The following BCAR3 variants were observed in gnomAD, a reference collection of about 807,000 sequenced individuals.
The protein encoded by BCAR3 is BCAR3 adaptor protein, NSP family member.
A neutral mutation model predicts 80.1 loss-of-function variants in BCAR3; 37 were observed. The ratio of observed to expected loss-of-function variants is 0.46; its 90% CI spans 0.36 to 0.61. The LOEUF (loss-of-function observed/expected upper bound fraction) is 0.61. Ranked by LOEUF, BCAR3 falls within the 20% of genes least tolerant of loss-of-function variation. BCAR3 has a pLI of 0.00. For missense variants in BCAR3, 978 were observed against 1,068.2 expected, an observed-to-expected ratio of 0.92 and a Z score of 1.18; for synonymous variants, 389 against 418.9, an observed-to-expected ratio of 0.93 and a Z score of 0.87.
upstream of BCAR3, among the ~76,000 whole-genome samples, chr1:93,685,136 G>T (rs922995975): frequency 1.3e-5 from 2 of 152,154 alleles, no homozygotes; most frequent in African/African-American, 4.8e-5. Flanking sequence ...ATATGTTAAT[G>T]GTTTAATAGT....
At chr1:93,680,657 T>A (rs1648709466) in intron 1 of BCAR3, among the ~76,000 whole-genome samples, 1 of 152,198 alleles carries the variant, frequency 6.6e-6, no homozygotes, top group African/African-American at 2.4e-5. Context: ...AATGCACGGC[T>A]CTACTTTCCA....
intron 3 of BCAR3, among the ~76,000 whole-genome samples, chr1:93,693,063 G>A (rs186371422): frequency 6.0e-4 from 92 of 152,188 alleles, no homozygotes; most frequent in Admixed American, 2.0e-3. Context: ...TCCAGTGCCC[G>A]GGGTTTGCCA....
intron 2 of BCAR3, among the ~76,000 whole-genome samples, chr1:93,762,002 G>A (rs181638615): frequency 4.7e-4 from 72 of 152,308 alleles, no homozygotes; most frequent in African/African-American, 1.7e-3. Flanking sequence ...CTGACTTCCT[G>A]CAAGAGTTGG....
intron 2 of BCAR3, among the ~76,000 whole-genome samples, chr1:93,829,461 C>T (rs941755366): frequency 1.3e-5 from 2 of 151,968 alleles, no homozygotes; most frequent in Admixed American, 6.6e-5. Context: ...TCCTAGTTTC[C>T]TTATCTATGC....
chr1:93,836,441 CATCCAGGCCATCACCAATCAT>C (rs1322407497), intron 2 of BCAR3, among the ~76,000 whole-genome samples: 12 of 152,228 alleles, frequency 7.9e-5, no homozygotes, highest in African/African-American at 2.9e-4. Context: ...TACAAAACCA[CATCCAGGCCATCACCAATCAT>C]TCTATACGAC....
chr1:93,816,670 C>CAAAAAAAA (rs60051218), intron 2 of BCAR3, among the ~76,000 whole-genome samples: 5 of 53,874 alleles, frequency 9.3e-5, no homozygotes, highest in Non-Finnish European at 1.4e-4. Flanking sequence ...GACTCCATCT[C>CAAAAAAAA]AAAAAAAAAA....
chr1:93,703,198 A>G (rs1476797396), intron 3 of BCAR3, among the ~76,000 whole-genome samples: 1 of 152,242 alleles, frequency 6.6e-6, no homozygotes, highest in African/African-American at 2.4e-5. Flanking sequence ...TTGAAGACAT[A>G]AAAAATGCAC....
chr1:93,822,185 T>TC, intron 2 of BCAR3, among the ~76,000 whole-genome samples: 2 of 146,362 alleles, frequency 1.4e-5, no homozygotes, highest in East Asian at 2.1e-4. Context: ...GTTTTTTTTT[T>TC]CTTTTTTTTT....
At chr1:93,642,603 T>G (rs927472608) in intron 2 of BCAR3, among the ~76,000 whole-genome samples, 1 of 152,190 alleles carries the variant, frequency 6.6e-6, no homozygotes, top group Non-Finnish European at 1.5e-5. Context: ...CTAGATTTAC[T>G]TGAGCATAGA....
intron 3 of BCAR3, among the ~76,000 whole-genome samples, chr1:93,642,064 T>A (rs538645807): frequency 1.3e-5 from 2 of 152,152 alleles, no homozygotes; most frequent in South Asian, 2.1e-4. Context: ...ACAAACAAAC[T>A]CTGAATTTTA....
chr1:93,746,400 T>C (rs1308677405), intron 2 of BCAR3, among the ~76,000 whole-genome samples: 6 of 152,188 alleles, frequency 3.9e-5, no homozygotes, highest in Non-Finnish European at 7.3e-5. Context: ...TTGCAAACAC[T>C]AGATGTAAAG....
chr1:93,759,519 T>G (rs185088770), intron 2 of BCAR3, among the ~76,000 whole-genome samples: 1 of 152,098 alleles, frequency 6.6e-6, no homozygotes, highest in Non-Finnish European at 1.5e-5. Flanking sequence ...GAGAGTACCA[T>G]TGGGGCCTCA....
intron 3 of BCAR3, among the ~76,000 whole-genome samples, chr1:93,696,360 G>A (rs1282098880): frequency 1.3e-5 from 2 of 152,062 alleles, no homozygotes; most frequent in Non-Finnish European, 2.9e-5. Context: ...CTGGAACCCT[G>A]GGAACCACCC....
chr1:93,610,662 G>A (rs1209576896), intron 3 of BCAR3, among the ~76,000 whole-genome samples: 1 of 152,112 alleles, frequency 6.6e-6, no homozygotes, highest in Admixed American at 6.5e-5. Context: ...AAGAACGCTA[G>A]CAGCCAGGCA....
At chr1:93,673,162 C>T (rs999122065) in intron 2 of BCAR3, among the ~76,000 whole-genome samples, 11 of 152,208 alleles carry the variant, frequency 7.2e-5, no homozygotes, top group Non-Finnish European at 4.4e-5. Context: ...GCATATCACT[C>T]CATTTCCTCT....
intron 2 of BCAR3, among the ~76,000 whole-genome samples, chr1:93,709,680 A>G (rs944996646): frequency 6.6e-6 from 1 of 152,202 alleles, no homozygotes; most frequent in African/African-American, 2.4e-5. Context: ...TAGACTAGAG[A>G]TGGGAAGAGA....
intron 2 of BCAR3, among the ~76,000 whole-genome samples, chr1:93,726,244 T>A (rs987094503): frequency 3.3e-5 from 5 of 152,092 alleles, no homozygotes; most frequent in Admixed American, 1.3e-4. Context: ...TAAATATATT[T>A]TTTTTTGAGA....
At chr1:93,575,944 C>A in intron 8 of BCAR3, 70 bp downstream of exon 8, 2 of 1,421,472 alleles carry the variant, frequency 1.4e-6, no homozygotes. Context: ...TCTCTTTGTT[C>A]TAAAACCTGC....
chr1:93,830,037 C>T (rs1444965722), intron 2 of BCAR3, among the ~76,000 whole-genome samples: 2 of 152,238 alleles, frequency 1.3e-5, no homozygotes, highest in African/African-American at 4.8e-5. Flanking sequence ...ATGTGAAGTG[C>T]TTGCTCCCTC....
Sources: allele counts gnomAD v4.1 joint callset (sites outside exome capture counted in the v4.1 genomes callset), GRCh38; gene constraint gnomAD v4.1.1; transcripts MANE v1.5; gene names NCBI Gene and HGNC (gene_info 2026-07-23, HGNC 2026-07-21).